Variants in XPO6 observed in about 807,000 individuals in gnomAD.
The protein encoded by XPO6 is exportin 6.
A neutral mutation model predicts 130.0 loss-of-function variants in XPO6; 3 were observed. That is an observed-to-expected ratio of 0.02 (90% CI 0.01 to 0.06). The LOEUF is 0.06. Among genes scored for constraint, XPO6 ranks in the 10% least tolerant of loss-of-function variants. The pLI is 1.00. For synonymous variants in XPO6, 524 were observed against 548.9 expected, an observed-to-expected ratio of 0.95 and a Z score of 0.63; for missense variants, 970 against 1,393.0, an observed-to-expected ratio of 0.70 and a Z score of 4.83.
intron 2 of XPO6, chr16:28,179,256 G>A (rs1446842502): frequency 1.3e-5 from 2 of 152,268 alleles, no homozygotes; most frequent in Admixed American, 6.5e-5. Flanking sequence ...TAGAGATGGA[G>A]TCTTGCTATA....
At chr16:28,151,519 TG>T (rs2043089162) in intron 8 of XPO6, among the ~76,000 whole-genome samples, 1 of 152,054 alleles carries the variant, frequency 6.6e-6, no homozygotes, top group Non-Finnish European at 1.5e-5. Context: ...AACTAGTCTG[TG>T]GTATTAAGGT....
intron 1 of XPO6, among the ~76,000 whole-genome samples, chr16:28,198,612 T>A (rs2043905255): frequency 6.6e-6 from 1 of 150,964 alleles, no homozygotes; most frequent in Admixed American, 6.6e-5. Context: ...AAAACCAGCC[T>A]GGGCAACACA....
chr16:28,112,992 A>G lies in XPO6; in HGVS notation c.2063T>C (p.Val688Ala). The G allele has an allele frequency of 6.2e-7, 1 of 1,614,128 alleles. No individual in the cohort carries two copies. The highest frequency in any genetic ancestry group is 8.5e-7 in the Non-Finnish European group (1 of 1,180,018). ...CHLLVSLATT[V>A]RPVFLISIPA... ...GATGCTGATCAGAAAGACGGGCCGC[A>G]CGGTGGTGGCCAGTGAGACCAGTAA... Residue 688 changes from valine to alanine, a missense_variant, in exon 16 of 24, where the codon GTG (valine) becomes GCG (alanine). Physicochemically the swap from Val to Ala is moderately conservative, Grantham distance 64. This residue lies in a region of XPO6 where 936 missense variants were observed against 1,306.8 expected (regional missense o/e 0.72). Coordinates refer to ENST00000304658, the MANE Select transcript of XPO6 (RefSeq NM_015171.4).
chr16:28,203,865 C>G (rs2043987421), intron 1 of XPO6, among the ~76,000 whole-genome samples: 1 of 152,214 alleles, frequency 6.6e-6, no homozygotes, highest in Non-Finnish European at 1.5e-5. Context: ...TTTCCCACAT[C>G]TAACCTATAC....
intron 17 of XPO6, 67 bp from the exon 18 acceptor site, chr16:28,107,744 A>G: frequency 6.4e-7 from 1 of 1,567,882 alleles, no homozygotes; most frequent in Non-Finnish European, 8.7e-7. Flanking sequence ...AGGAGACACA[A>G]GGGAGAGGGA....
At chr16:28,122,587 C>G (rs923535944) in intron 13 of XPO6, among the ~76,000 whole-genome samples, 4 of 151,936 alleles carry the variant, frequency 2.6e-5, no homozygotes, top group African/African-American at 9.7e-5. Context: ...TGCACTCCAG[C>G]CTGGGTAACA....
At chr16:28,153,469 CTA>C (rs1275367269) in intron 7 of XPO6, 1 of 985,164 alleles carries the variant, frequency 1.0e-6, no homozygotes, top group East Asian at 1.1e-4. Flanking sequence ...CAGAACAGGA[CTA>C]TCATCCACTC....
chr16:28,160,601 G>C (rs1234422152), intron 6 of XPO6, among the ~76,000 whole-genome samples: 1 of 150,936 alleles, frequency 6.6e-6, no homozygotes, highest in Non-Finnish European at 1.5e-5. Flanking sequence ...TCTTATCTCT[G>C]TGTAGAGATG....
chr16:28,131,130 GA>G (rs1292233491), intron 12 of XPO6, among the ~76,000 whole-genome samples: 1 of 152,234 alleles, frequency 6.6e-6, no homozygotes, highest in Non-Finnish European at 1.5e-5. Context: ...TGTTTGTTTT[GA>G]AAGTGTCTTT....
At chr16:28,181,487 T>C (rs1312819720) in intron 1 of XPO6, among the ~76,000 whole-genome samples, 7 of 150,624 alleles carry the variant, frequency 4.6e-5, no homozygotes. Flanking sequence ...TCATGGATTC[T>C]CAGGGGTTTG....
At chr16:28,140,721 G>A (rs1051953516) in intron 9 of XPO6, among the ~76,000 whole-genome samples, 3 of 151,384 alleles carry the variant, frequency 2.0e-5, no homozygotes, top group Admixed American at 6.6e-5. Context: ...AGCTAAAGCA[G>A]GGCTTAGAAG....
In XPO6 at chr16:28,100,721, A is replaced by G. The variant is rs539340642; in HGVS notation, c.3276+737T>C. Reference sequence around the variant, plus strand: ...GGAAAAGTTCCCAGAAGTTCCTATCAGGCAAGAGAGAGGCCTGGTCACCTG... The same window carrying G: ...GGAAAAGTTCCCAGAAGTTCCTATCGGGCAAGAGAGAGGCCTGGTCACCTG... On this transcript the variant is annotated intron_variant, in intron 23 of 23. Coordinates refer to ENST00000304658, the MANE Select transcript of XPO6 (RefSeq NM_015171.4). Among the ~76,000 whole-genome samples the G allele has an allele frequency of 2.0e-5, 3 of 152,342 alleles. No individual in the cohort carries two copies. The East Asian group carries it at 5.8e-4, about 29-fold the overall frequency.
At chr16:28,135,520 C>T (rs2042758705) in intron 9 of XPO6, among the ~76,000 whole-genome samples, 196 bp from the exon 10 acceptor site, 3 of 151,940 alleles carry the variant, frequency 2.0e-5, no homozygotes, top group Admixed American at 2.0e-4. Context: ...TATTTAATGA[C>T]GTACCAGGCA....
In XPO6 at chr16:28,098,594, G is replaced by T. The variant is rs2086584337; in HGVS notation, c.3322C>A (p.Leu1108Met). 1 of 1,612,984 alleles carries T rather than the reference G, an allele frequency of 6.2e-7. No individual in the cohort carries two copies. The highest frequency in any genetic ancestry group is 1.1e-5 in the South Asian group (1 of 90,990). Reference sequence around the variant, plus strand: ...TCGTTGCAGAGTCTGTAGTAGCGCAGGTCGTTGACCAGCCTGTGCACATTC... The same window carrying T: ...TCGTTGCAGAGTCTGTAGTAGCGCATGTCGTTGACCAGCCTGTGCACATTC... The part of the protein sequence containing the change: ...TQNVHRLVND[L>M]RYYRLCNDSL... Residue 1108 changes from leucine to methionine, a missense_variant, in exon 24 of 24, where the codon CTG becomes ATG. Leu to Met is a conservative substitution (Grantham distance 15). This residue lies in a region of XPO6 where 936 missense variants were observed against 1,306.8 expected (regional missense o/e 0.72). Transcript: ENST00000304658.
chr16:28,164,137 A>T (rs910226882), intron 6 of XPO6, among the ~76,000 whole-genome samples: 2 of 152,208 alleles, frequency 1.3e-5, no homozygotes, highest in African/African-American at 4.8e-5. Flanking sequence ...GGGGAAAAAA[A>T]CCCCACAAGC....
chr16:28,101,807 C>A lies in XPO6; in HGVS notation c.3045+40G>T. On this transcript the variant is annotated intron_variant, in intron 22 of 23. Coordinates refer to ENST00000304658, the MANE Select transcript of XPO6 (RefSeq NM_015171.4). The surrounding 1 kb of genome is among the most constrained non-coding windows in gnomAD (Gnocchi z 5.4). ...TGAGGGTGGGACACAGGCCACAATG[C>A]CCCTGATGGAAGAATATTTCCAAGA... 1 of 1,605,022 alleles carries A rather than the reference C, an allele frequency of 6.2e-7. No homozygotes were observed. Among genetic ancestry groups the A allele is most frequent in the Non-Finnish European group, 8.5e-7 (1 of 1,173,054 alleles).
intron 1 of XPO6, among the ~76,000 whole-genome samples, chr16:28,207,928 T>C (rs1438837216): frequency 6.6e-6 from 1 of 152,124 alleles, no homozygotes; most frequent in African/African-American, 2.4e-5. Flanking sequence ...GTGGATCACC[T>C]GAGGTCAGGA....
At chr16:28,133,022 A>G (rs2042704288) in intron 11 of XPO6, among the ~76,000 whole-genome samples, 1 of 152,234 alleles carries the variant, frequency 6.6e-6, no homozygotes, top group Non-Finnish European at 1.5e-5. Flanking sequence ...ACACAAGTAT[A>G]GCTGGGTCAT....
rs1260775308 is a variant in XPO6 at position 28,106,922 on chromosome 16, T to C, written c.2498-425A>G. Among the ~76,000 whole-genome samples the C allele has an allele frequency of 6.6e-6, 1 of 152,166 alleles. No homozygotes were observed. The highest frequency in any genetic ancestry group is 1.5e-5 in the Non-Finnish European group (1 of 68,040). Reference sequence around the variant, plus strand: ...GGGTTAAGTGGTTGAAAGTGGATAATGAAGGTGTATTTAGGTTGCATGGCC... The same window carrying C: ...GGGTTAAGTGGTTGAAAGTGGATAACGAAGGTGTATTTAGGTTGCATGGCC... On this transcript the variant is annotated intron_variant, in intron 18 of 23. Transcript: ENST00000304658. This position sits in a 1 kb window ranked among gnomAD's most constrained non-coding sequence, Gnocchi z 4.2.
Sources: gnomAD v4.1 joint callset for allele counts (sites outside exome capture counted in the v4.1 genomes callset) on GRCh38, gnomAD v4.1.1 for gene constraint, gnomAD v4.1.1 regional missense constraint, Gnocchi (gnomAD v3.1) non-coding constraint, MANE v1.5 for transcripts, NCBI Gene and HGNC (gene_info 2026-07-23, HGNC 2026-07-21) for gene names.